The following UBA1 variants were observed in gnomAD, a reference collection of about 807,000 sequenced individuals.
UBA1 encodes the protein ubiquitin-like modifier-activating enzyme 1.
UBA1 carries 4 observed loss-of-function variants against 84.7 expected under a neutral mutation model. The observed-to-expected ratio is 0.05, with a 90% CI of 0.02 to 0.11. The LOEUF (loss-of-function observed/expected upper bound fraction) is 0.11, where lower values mean the gene tolerates loss of function less well. Among genes scored for constraint, UBA1 ranks in the 10% least tolerant of loss-of-function variants. UBA1 has a pLI of 1.00. For missense variants in UBA1, 513 were observed against 902.8 expected, an observed-to-expected ratio of 0.57 and a Z score of 5.53; for synonymous variants, 364 against 362.6, an observed-to-expected ratio of 1.00 and a Z score of -0.04.
At chrX:47,212,597 C>T (rs958027686) in intron 21 of UBA1, 85 bp downstream of exon 21, 18 of 962,871 alleles carry the variant, frequency 1.9e-5, no homozygotes, top group Middle Eastern at 3.1e-4. Flanking sequence ...GAGCCAGCCC[C>T]GGGCCTTTGT....
In UBA1 at chrX:47,202,674, G is replaced by C. The variant is rs1936463680; in HGVS notation, c.1093G>C (p.Val365Leu). The stretch of plus-strand genomic sequence containing the variant: ...AGAACTGGTAGCCTTAGCACAGGCT[G>C]TGAATGCTCGAGCCCTGCCAGCAGT... ...AAELVALAQA[V>L]NARALPAVQQ... The change falls in exon 11 of 26, where the codon GTG becomes CTG. Residue 365 changes from valine to leucine, a missense_variant. Val to Leu is a conservative substitution (Grantham distance 32). This residue lies in a region of UBA1 where 227 missense variants were observed against 339.1 expected (regional missense o/e 0.67). Transcript: ENST00000335972. The C allele has an allele frequency of 8.2e-7, 1 of 1,212,311 alleles. No individual in the cohort carries two copies. The highest frequency in any genetic ancestry group is 1.1e-6 in the Non-Finnish European group (1 of 895,608).
rs1389388942 is a variant in UBA1, at chrX:47,199,255, G to A, written c.223G>A (p.Val75Ile). Residue 75 changes from valine (V) to isoleucine (I), a missense_variant, in exon 4 of 26, where the codon GTC (valine) becomes ATC (isoleucine). Val to Ile is a conservative substitution (Grantham distance 29, BLOSUM62 3). Transcript: ENST00000335972. ...EAMKRLQTSSVLVSGLRGLGV... is the reference protein window; with the variant it reads ...EAMKRLQTSSILVSGLRGLGV... ...AATGAAGCGGCTCCAGACATCCAGT[G>A]TCCTGGTATCAGGCCTGCGGGGCCT... is the stretch of plus-strand genomic sequence containing the variant. The A allele has an allele frequency of 8.3e-7, 1 of 1,210,955 alleles. No individual in the cohort carries two copies. The highest frequency in any genetic ancestry group is 2.3e-4 in the Middle Eastern group (1 of 4,354).
In UBA1 at chrX:47,202,775, C is replaced by T. The variant is rs782489931; in HGVS notation, c.1194C>T (p.Asn398=). The change falls in exon 11 of 26, where the codon AAC becomes AAT. Residue 398 remains asparagine, a synonymous_variant. Coordinates refer to ENST00000335972, the MANE Select transcript of UBA1 (RefSeq NM_003334.4). ...YVAAGDLAPI[N]AFIGGLAAQE... ...CTGCTGGGGATCTGGCACCCATAAA[C>T]GCCTTCATTGGGGGCCTGGCTGCCC... 8.3e-6 allele frequency: 10 copies of T among 1,207,818 alleles called. No homozygotes were observed. Among genetic ancestry groups the T allele is most frequent in the South Asian group, 5.3e-5 (3 of 56,277 alleles).
rs782536219 is a variant in UBA1 at position 47,199,366 on chromosome X, C to T, written c.334C>T (p.Leu112Phe). 1.7e-5 allele frequency: 20 copies of T among 1,210,704 alleles called. No individual in the cohort carries two copies. The South Asian group carries it at 3.2e-4, about 19-fold the overall frequency. The change falls in exon 4 of 26, where the codon CTT becomes TTT. Residue 112 changes from leucine (L) to phenylalanine (F), a missense_variant. By Grantham distance (22) the Leu-to-Phe change is conservative. This residue lies in a region of UBA1 where 227 missense variants were observed against 339.1 expected (regional missense o/e 0.67). Transcript: ENST00000335972. The stretch of plus-strand genomic sequence containing the variant: ...CCAGGGCACTGCCCAGTGGGCTGAT[C>T]TTTCCTCCCAGGTACCTCTTCCTAG... Reference protein sequence around the residue: ...HDQGTAQWADLSSQFYLREED... With the variant: ...HDQGTAQWADFSSQFYLREED...
chrX:47,211,458 T>C, intron 20 of UBA1, among the ~76,000 whole-genome samples: 1 of 111,941 alleles, frequency 8.9e-6, no homozygotes, highest in East Asian at 2.8e-4. Flanking sequence ...CTTGCTGTTT[T>C]ACTCTTGCTC....
intron 8 of UBA1, among the ~76,000 whole-genome samples, 184 bp from the exon 9 acceptor site, chrX:47,201,972 C>T (rs782494970): frequency 4.5e-5 from 5 of 110,973 alleles, no homozygotes; most frequent in Non-Finnish European, 7.6e-5. Context: ...CAGGGTCTCA[C>T]GGGGTCTGAG....
chrX:47,206,851 T>C lies in UBA1; in HGVS notation c.1938+407T>C, dbSNP rs144021292. On this transcript the variant is annotated intron_variant, in intron 16 of 25. Transcript: ENST00000335972. Reference sequence around the variant, plus strand: ...AGTGCCTCTGCCAAGTGAGGATATGTTGCTGTAGAACAGGGTTTCTTAGCT... The same window carrying C: ...AGTGCCTCTGCCAAGTGAGGATATGCTGCTGTAGAACAGGGTTTCTTAGCT... Among the ~76,000 whole-genome samples, 1,002 of 111,417 alleles carry C rather than the reference T, an allele frequency of 9.0e-3. 2 individuals are homozygous for C. Among genetic ancestry groups the C allele is most frequent in the South Asian group, 0.018 (48 of 2,626 alleles).
At chrX:47,200,713 AG>A (rs1936374064) in intron 5 of UBA1, among the ~76,000 whole-genome samples, 180 bp from the exon 6 acceptor site, 1 of 112,081 alleles carries the variant, frequency 8.9e-6, no homozygotes, top group Non-Finnish European at 1.9e-5. Context: ...GGTATAGTCC[AG>A]GGGTTCATTT....
chrX:47,203,358 C>T (rs1936496980), intron 13 of UBA1, 144 bp downstream of exon 13: 6 of 826,384 alleles, frequency 7.3e-6, no homozygotes, highest in East Asian at 3.3e-5. Flanking sequence ...GTGCATCCCT[C>T]GTTTCCCCTT....
At position 47,200,785 on chromosome X, in the gene UBA1, A is replaced by G. The variant is rs1936379712; in HGVS notation, c.481-109A>G. On this transcript the variant is annotated intron_variant, in intron 5 of 25. Coordinates refer to ENST00000335972, the MANE Select transcript of UBA1 (RefSeq NM_003334.4). The stretch of plus-strand genomic sequence containing the variant: ...ATGTGTTTGTGAAAGAGGCTGACCC[A>G]GCAAAGCCTGGATGTGTTTGCCTTG... 3 of 589,753 alleles carry G rather than the reference A, an allele frequency of 5.1e-6. No homozygotes were observed. In the Admixed American group the frequency reaches 8.1e-5, roughly 16 times the overall value. 48.6% of individuals were successfully genotyped at this position (589,753 alleles called of 1,213,427 possible).
chrX:47,205,376 A>G (rs1280311211), intron 14 of UBA1: 4 of 333,229 alleles, frequency 1.2e-5, no homozygotes, highest in African/African-American at 8.0e-5. Flanking sequence ...GTGTTAGACG[A>G]AAGAACAGAT....
intron 5 of UBA1, among the ~76,000 whole-genome samples, chrX:47,200,248 G>A (rs1936355006): frequency 8.9e-6 from 1 of 112,400 alleles, no homozygotes. Context: ...CCTGTTTGTA[G>A]TCAGTGCGTG....
At chrX:47,209,165 T>C (rs1936813705) in intron 16 of UBA1, 2 of 295,867 alleles carry the variant, frequency 6.8e-6, no homozygotes, top group Non-Finnish European at 1.2e-5. Context: ...TCATTGATTT[T>C]TCTTTTTTTG....
At chrX:47,194,578 C>T (rs996581115) in intron 1 of UBA1, among the ~76,000 whole-genome samples, 18 of 111,829 alleles carry the variant, frequency 1.6e-4, no homozygotes, top group African/African-American at 5.9e-4. Flanking sequence ...GCTAGCCGCG[C>T]TCAGAGCTTC....
intron 16 of UBA1, among the ~76,000 whole-genome samples, chrX:47,207,095 A>G (rs112296877): frequency 0.036 from 3,981 of 111,760 alleles, 161 homozygotes; most frequent in African/African-American, 0.12. Flanking sequence ...TCTAACAGAA[A>G]CATCATTTTC....
Position 47,208,449 on chromosome X carries a change from C to T in UBA1, c.1939-1174C>T, listed in dbSNP as rs1237566307. On this transcript the variant is annotated intron_variant, in intron 16 of 25. Transcript: ENST00000335972. ...AAAGTGCTGGGATTACATGTGTAAG[C>T]CTCTGTGTCCGGCCTCTGTCTTGTT... The T allele has an allele frequency of 3.6e-5, 4 of 112,257 alleles. No individual in the cohort carries two copies. In the Admixed American group the frequency reaches 3.8e-4, roughly 11 times the overall value. 9.3% of individuals were successfully genotyped at this position (112,257 alleles called of 1,213,427 possible).
chrX:47,214,925 G>A lies in UBA1; in HGVS notation c.3173G>A (p.Arg1058His), dbSNP rs374092856. 1.3e-5 allele frequency: 16 copies of A among 1,209,934 alleles called. No homozygotes were observed. Among genetic ancestry groups the A allele is most frequent in the South Asian group, 3.5e-5 (2 of 56,992 alleles). The change falls in exon 26 of 26, where the codon CGC becomes CAC. Residue 1058 changes from arginine (R) to histidine (H), a missense_variant. Transcript: ENST00000335972. ...VEVPYVRYTI[R>H] Reference sequence around the variant, plus strand: ...GTTCCCTATGTCCGATACACCATCCGCTGACCCCGTCTGCTCCTCTAGGCT... The same window carrying A: ...GTTCCCTATGTCCGATACACCATCCACTGACCCCGTCTGCTCCTCTAGGCT...
intron 14 of UBA1, 49 bp downstream of exon 14, chrX:47,203,745 T>TTA: frequency 8.7e-6 from 9 of 1,037,730 alleles, no homozygotes; most frequent in Non-Finnish European, 1.1e-5. Context: ...TTCCTCCTTT[T>TTA]TCTTTTTTTT....
chrX:47,199,140 G>C, intron 3 of UBA1, 34 bp downstream of exon 3: 2 of 1,212,340 alleles, frequency 1.6e-6, no homozygotes, highest in Non-Finnish European at 2.2e-6. Flanking sequence ...GAGGGGTGTG[G>C]AATGGGACAT....
Sources: allele counts gnomAD v4.1 joint callset (sites outside exome capture counted in the v4.1 genomes callset), GRCh38; gene constraint gnomAD v4.1.1; regional missense constraint gnomAD v4.1.1; transcripts MANE v1.5; gene names NCBI Gene and HGNC (gene_info 2026-07-23, HGNC 2026-07-21).